The following CNIH3 variants were observed in gnomAD, a reference collection of about 807,000 sequenced individuals.
CNIH3 encodes the protein protein cornichon homolog 3.
CNIH3 carries 14 observed loss-of-function variants against 24.1 expected under a neutral mutation model. That is an observed-to-expected ratio of 0.58 (90% CI 0.38 to 0.91). CNIH3 has a LOEUF of 0.91. CNIH3 is among the 40% of genes least tolerant of loss of function. CNIH3 has a pLI of 0.00. For synonymous variants in CNIH3, 68 were observed against 73.8 expected, an observed-to-expected ratio of 0.92 and a Z score of 0.40; for missense variants, 178 against 196.8, an observed-to-expected ratio of 0.90 and a Z score of 0.57.
chr1:224,705,859 C>CTT (rs869143802), intron 3 of CNIH3, among the ~76,000 whole-genome samples: 8 of 88,854 alleles, frequency 9.0e-5, no homozygotes, highest in East Asian at 2.7e-4. Context: ...TCTTTTTTTT[C>CTT]TTTTTTTTTT....
Position 224,681,044 on chromosome 1 carries a change from G to A in CNIH3, c.150+18G>A, listed in dbSNP as rs1444163351. The A allele has an allele frequency of 3.1e-6, 5 of 1,611,068 alleles. No individual in the cohort carries two copies. Among genetic ancestry groups the A allele is most frequent in the Non-Finnish European group, 4.2e-6 (5 of 1,177,310 alleles). On this transcript the variant is annotated intron_variant, in intron 2 of 5. Coordinates refer to ENST00000272133, the MANE Select transcript of CNIH3 (RefSeq NM_152495.2). ...TTCATGCGGTAAGTGGCGGGTACTG[G>A]TGAGGGGAAGGTGCTATCACCCCAG...
intron 3 of CNIH3, among the ~76,000 whole-genome samples, chr1:224,599,934 T>C (rs1488179652): frequency 6.6e-6 from 1 of 152,230 alleles, no homozygotes. Context: ...AGGTTTTCTA[T>C]TGGGGCTTCA....
intron 3 of CNIH3, among the ~76,000 whole-genome samples, chr1:224,696,412 C>T (rs886226633): frequency 6.6e-6 from 1 of 152,130 alleles, no homozygotes; most frequent in African/African-American, 2.4e-5. Flanking sequence ...GGACTTTATT[C>T]CAGAGAAATG....
rs536427209 is a variant in CNIH3, at chr1:224,458,884, C to T, written n.203+24022C>T. On this transcript the variant is annotated intron_variant and non_coding_transcript_variant, in intron 1 of 5. Coordinates refer to the CNIH3 transcript ENST00000471578. The surrounding 1 kb of genome is among the most constrained non-coding windows in gnomAD (Gnocchi z 4.3). The stretch of plus-strand genomic sequence containing the variant: ...CCTGCTTGCACTTCTAATACAGTCC[C>T]GGAAAGACGGGGCCAGAACTTAGGA... Among the ~76,000 whole-genome samples the T allele has an allele frequency of 5.9e-5, 9 of 152,262 alleles. No individual in the cohort carries two copies. Among genetic ancestry groups the T allele is most frequent in the African/African-American group, 1.7e-4 (7 of 41,548 alleles).
At chr1:224,598,678 T>A (rs1490254142) in intron 3 of CNIH3, among the ~76,000 whole-genome samples, 1 of 152,222 alleles carries the variant, frequency 6.6e-6, no homozygotes, top group African/African-American at 2.4e-5. Context: ...GCCATCAACA[T>A]GCAGGCAAGA....
chr1:224,654,636 A>G (rs1685017257), intron 1 of CNIH3, among the ~76,000 whole-genome samples: 1 of 152,218 alleles, frequency 6.6e-6, no homozygotes, highest in Non-Finnish European at 1.5e-5. Context: ...CAATAACTCC[A>G]TACAGCAGGT....
intron 3 of CNIH3, among the ~76,000 whole-genome samples, chr1:224,553,322 ATC>A (rs1680004116): frequency 6.6e-6 from 1 of 151,908 alleles, no homozygotes; most frequent in Non-Finnish European, 1.5e-5. Flanking sequence ...AGAGTAATGT[ATC>A]TCCCTTAGAT....
At position 224,739,536 on chromosome 1, in the gene CNIH3, C is replaced by A; in HGVS notation, c.*180C>A. 1 of 1,121,044 alleles carries A rather than the reference C, an allele frequency of 8.9e-7. No homozygotes were observed. Among genetic ancestry groups the A allele is most frequent in the Non-Finnish European group, 1.3e-6 (1 of 792,828 alleles). 69.4% of individuals were successfully genotyped at this position (1,121,044 alleles called of 1,614,324 possible). ...GCAGCTGGGAGCCGAGTTAACCCTG[C>A]GTGTCTGTGTCACCCTGTTTGTCAA... On this transcript the variant is annotated 3_prime_UTR_variant, in exon 6 of 6. Transcript: ENST00000272133.
intron 1 of CNIH3, among the ~76,000 whole-genome samples, chr1:224,494,089 G>T (rs146879194): frequency 3.5e-4 from 54 of 152,234 alleles, no homozygotes; most frequent in African/African-American, 9.4e-4. Context: ...AAGCCACCAG[G>T]GTCGATTTTT....
chr1:224,528,878 G>A (rs1057496554), intron 2 of CNIH3, among the ~76,000 whole-genome samples: 3 of 152,118 alleles, frequency 2.0e-5, no homozygotes, highest in Middle Eastern at 3.2e-3. Flanking sequence ...CCCAACTTGC[G>A]CGTGGTCATT....
intron 1 of CNIH3, among the ~76,000 whole-genome samples, chr1:224,646,101 C>T (rs1572649885): frequency 3.3e-5 from 5 of 151,952 alleles, no homozygotes. Context: ...GCCCAGTCCT[C>T]GATCTCACGG....
Position 224,739,535 on chromosome 1 carries a change from G to A in CNIH3, c.*179G>A. The A allele has an allele frequency of 2.7e-6, 3 of 1,127,418 alleles. No homozygotes were observed. The highest frequency in any genetic ancestry group is 3.3e-5 in the South Asian group (2 of 61,378). 69.8% of individuals were successfully genotyped at this position (1,127,418 alleles called of 1,614,324 possible). ...AGCAGCTGGGAGCCGAGTTAACCCT[G>A]CGTGTCTGTGTCACCCTGTTTGTCA... On this transcript the variant is annotated 3_prime_UTR_variant, in exon 6 of 6. Transcript: ENST00000272133.
intron 1 of CNIH3, among the ~76,000 whole-genome samples, chr1:224,487,664 C>T (rs1677079800): frequency 6.6e-6 from 1 of 152,148 alleles, no homozygotes; most frequent in South Asian, 2.1e-4. Flanking sequence ...AAGAAGCTTC[C>T]CTTTCTGTTC....
chr1:224,463,770 CTCATTTTTTTTTTT>C (rs1321744963), intron 1 of CNIH3, among the ~76,000 whole-genome samples: 2 of 87,070 alleles, frequency 2.3e-5, no homozygotes, highest in African/African-American at 1.1e-4. Context: ...ATGAATTGTC[CTCATTTTTTTTTTT>C]TTTTTTTTTT....
chr1:224,646,143 G>GTA (rs1553280738), intron 1 of CNIH3, among the ~76,000 whole-genome samples: 5 of 151,930 alleles, frequency 3.3e-5, no homozygotes. Flanking sequence ...TAAGACAGCA[G>GTA]AGGTTTTCAG....
chr1:224,616,401 T>G lies in CNIH3; in HGVS notation c.-774T>G. The G allele has an allele frequency of 1.1e-6, 1 of 931,760 alleles. No individual in the cohort carries two copies. Among genetic ancestry groups the G allele is most frequent in the Non-Finnish European group, 1.3e-6 (1 of 774,328 alleles). 57.7% of individuals were successfully genotyped at this position (931,760 alleles called of 1,614,324 possible). A position where few individuals can be genotyped will look rare whatever the true frequency, so the allele number is the denominator to read the frequency against. ...CAGCGTTTGGCCTGAAACCCACTGC[T>G]GCAGCCACCCGGGCTGGAGTTGGCC... On this transcript the variant is annotated 5_prime_UTR_variant, in exon 1 of 6. Coordinates refer to ENST00000272133, the MANE Select transcript of CNIH3 (RefSeq NM_152495.2).
At chr1:224,714,099 G>A (rs1688303343) in intron 3 of CNIH3, among the ~76,000 whole-genome samples, 2 of 152,208 alleles carry the variant, frequency 1.3e-5, no homozygotes, top group Admixed American at 1.3e-4. Context: ...ACAGGCGTGA[G>A]CCACTGTGCC....
At chr1:224,688,441 G>C (rs1686764684) in intron 3 of CNIH3, among the ~76,000 whole-genome samples, 1 of 152,096 alleles carries the variant, frequency 6.6e-6, no homozygotes, top group Admixed American at 6.6e-5. Context: ...CACTGTCATG[G>C]GCTGTGACAT....
At chr1:224,658,789 C>G (rs955795197) in intron 1 of CNIH3, among the ~76,000 whole-genome samples, 1 of 151,518 alleles carries the variant, frequency 6.6e-6, no homozygotes, top group Non-Finnish European at 1.5e-5. Flanking sequence ...ATTAATATTA[C>G]ATATTTTGTT....
Sources: allele counts gnomAD v4.1 joint callset (sites outside exome capture counted in the v4.1 genomes callset), GRCh38; gene constraint gnomAD v4.1.1; non-coding constraint Gnocchi (gnomAD v3.1); transcripts MANE v1.5; gene names NCBI Gene and HGNC (gene_info 2026-07-23, HGNC 2026-07-21).